CSMD1: variants seen among roughly 807,000 people sequenced by gnomAD.
CSMD1 encodes the protein CUB and Sushi multiple domains 1.
A neutral mutation model predicts 417.5 loss-of-function variants in CSMD1; 213 were observed. That is an observed-to-expected ratio of 0.51 (90% CI 0.46 to 0.57). CSMD1 has a LOEUF of 0.57. Among genes scored for constraint, CSMD1 ranks in the 20% least tolerant of loss-of-function variants. The pLI, the probability that CSMD1 is intolerant of heterozygous loss-of-function variation, is 0.00. For missense variants in CSMD1, 6,923 were observed against 4,529.7 expected (o/e 1.53, Z -15.17); for synonymous variants, 2,862 against 1,736.8 (o/e 1.65, Z -16.11).
At chr8:3,325,570 T>G (rs1339868809) in intron 23 of CSMD1, among the ~76,000 whole-genome samples, 1 of 152,190 alleles carries the variant, frequency 6.6e-6, no homozygotes, top group Non-Finnish European at 1.5e-5. Flanking sequence ...ACGCCTGTAA[T>G]CCCAGCACTT....
intron 2 of CSMD1, among the ~76,000 whole-genome samples, chr8:4,454,086 T>G (rs1239845070): frequency 2.6e-5 from 4 of 152,130 alleles, no homozygotes; most frequent in African/African-American, 7.2e-5. Context: ...CCTCCCTAAG[T>G]GCTGGGATTA....
At chr8:3,045,331 G>T (rs956889152) in intron 50 of CSMD1, among the ~76,000 whole-genome samples, 1 of 152,050 alleles carries the variant, frequency 6.6e-6, no homozygotes, top group Non-Finnish European at 1.5e-5. Flanking sequence ...AAGCAATTTT[G>T]TTAATTGTTG....
At chr8:3,978,888 G>A (rs1447458747) in intron 5 of CSMD1, among the ~76,000 whole-genome samples, 1 of 152,142 alleles carries the variant, frequency 6.6e-6, no homozygotes, top group Non-Finnish European at 1.5e-5. Context: ...AACACAATAT[G>A]GGAACAGTGA....
intron 3 of CSMD1, among the ~76,000 whole-genome samples, chr8:4,188,433 G>C (rs1383757097): frequency 6.6e-6 from 1 of 152,138 alleles, no homozygotes; most frequent in Non-Finnish European, 1.5e-5. Context: ...GCAGATACAA[G>C]TCCTGAAATC....
chr8:4,484,490 G>C (rs1420826302), intron 2 of CSMD1, among the ~76,000 whole-genome samples: 1 of 152,090 alleles, frequency 6.6e-6, no homozygotes, highest in Non-Finnish European at 1.5e-5. Context: ...GCACAAAAGA[G>C]AACAGGGGAT....
At chr8:4,032,155 C>A in intron 3 of CSMD1, 56 bp from the exon 4 acceptor site, 1 of 1,347,828 alleles carries the variant, frequency 7.4e-7, no homozygotes, top group East Asian at 2.3e-5. Flanking sequence ...CATGGAGAGC[C>A]ACTTATAAGA....
intron 2 of CSMD1, among the ~76,000 whole-genome samples, chr8:4,469,763 G>T (rs185054327): frequency 5.1e-4 from 78 of 152,196 alleles, no homozygotes; most frequent in African/African-American, 1.8e-3. Flanking sequence ...GGAGCCCTTG[G>T]AATATGCCAG....
rs760605421 is a variant in CSMD1, at chr8:3,223,710, A to G, written c.4484+19T>C. On this transcript the variant is annotated intron_variant, in intron 28 of 69. Coordinates refer to ENST00000635120, the MANE Select transcript of CSMD1 (RefSeq NM_033225.6). ...ATTAAAAATCCTACTAAAAAGAGGT[A>G]TTCTGCAAGAGACGGTACCTTTTGA... 6.2e-7 allele frequency: 1 copy of G among 1,612,788 alleles called. No individual in the cohort carries two copies. The highest frequency in any genetic ancestry group is 8.5e-7 in the Non-Finnish European group (1 of 1,179,088).
At chr8:3,432,330 A>C (rs541059558) in intron 12 of CSMD1, among the ~76,000 whole-genome samples, 2 of 152,236 alleles carry the variant, frequency 1.3e-5, no homozygotes, top group South Asian at 4.1e-4. Flanking sequence ...AAAATCATTT[A>C]AAGTGTTTAC....
chr8:4,695,584 T>TC (rs1333757556), intron 1 of CSMD1, among the ~76,000 whole-genome samples: 1 of 152,050 alleles, frequency 6.6e-6, no homozygotes, highest in Non-Finnish European at 1.5e-5. Context: ...TTCTCATCTG[T>TC]CCCCTATCCC....
chr8:3,873,060 C>G (rs527689452), intron 5 of CSMD1, among the ~76,000 whole-genome samples: 14 of 152,090 alleles, frequency 9.2e-5, no homozygotes, highest in Non-Finnish European at 7.4e-5. Context: ...ACAACAGATG[C>G]TGGCAAGGTT....
At chr8:4,242,295 A>C (rs1504772) in intron 3 of CSMD1, among the ~76,000 whole-genome samples, 1 of 152,070 alleles carries the variant, frequency 6.6e-6, no homozygotes, top group Non-Finnish European at 1.5e-5. Context: ...GCAGACTGGA[A>C]AATTCATAGT....
At chr8:4,582,338 G>T (rs748937352) in intron 2 of CSMD1, among the ~76,000 whole-genome samples, 1 of 152,136 alleles carries the variant, frequency 6.6e-6, no homozygotes, top group Non-Finnish European at 1.5e-5. Context: ...AATTAGAAAA[G>T]CGGGATAAAA....
At chr8:3,676,784 G>A (rs1343399549) in intron 7 of CSMD1, among the ~76,000 whole-genome samples, 1 of 152,138 alleles carries the variant, frequency 6.6e-6, no homozygotes, top group Non-Finnish European at 1.5e-5. Context: ...GCCCATCAAT[G>A]ATAGACTGGA....
At chr8:4,939,943 T>A (rs77379223) in intron 1 of CSMD1, among the ~76,000 whole-genome samples, 35,623 of 152,040 alleles carry the variant, frequency 0.23, 4,307 homozygotes, top group East Asian at 0.38. Context: ...AATTAAAATA[T>A]AAATTTAAAA....
At chr8:3,793,732 T>C (rs1198409083) in intron 5 of CSMD1, among the ~76,000 whole-genome samples, 4 of 152,156 alleles carry the variant, frequency 2.6e-5, no homozygotes, top group Non-Finnish European at 5.9e-5. Context: ...GTGCACTTTT[T>C]ATTTTCGTAG....
At chr8:3,794,678 TG>T (rs888257889) in intron 5 of CSMD1, among the ~76,000 whole-genome samples, 85 of 152,256 alleles carry the variant, frequency 5.6e-4, no homozygotes, top group African/African-American at 1.8e-3. Flanking sequence ...TTTATCCTAC[TG>T]GAAAAAATCT....
intron 46 of CSMD1, among the ~76,000 whole-genome samples, chr8:3,098,215 A>G (rs1815467944): frequency 6.6e-6 from 1 of 152,190 alleles, no homozygotes; most frequent in Non-Finnish European, 1.5e-5. Context: ...ATAGTTAATC[A>G]CCTTTTCCTT....
rs1799925132 is a variant in CSMD1, at chr8:3,571,122, C to CA, written c.1344+3822dup. On this transcript the variant is annotated intron_variant, in intron 10 of 69. Coordinates refer to ENST00000635120, the MANE Select transcript of CSMD1 (RefSeq NM_033225.6). ...GCACTTACAGGTGGAAGATCATTCTCACGACAGCTGAGGCAAAATTTACCT... is the reference window on the plus strand; with the variant it reads ...GCACTTACAGGTGGAAGATCATTCTCAACGACAGCTGAGGCAAAATTTACCT... 3.9e-5 allele frequency among the ~76,000 whole-genome samples: 6 copies of CA among 152,268 alleles called. No homozygotes were observed. The South Asian group carries it at 1.2e-3, about 32-fold the overall frequency.
Sources: gnomAD v4.1 joint callset for allele counts (sites outside exome capture counted in the v4.1 genomes callset) on GRCh38, gnomAD v4.1.1 for gene constraint, MANE v1.5 for transcripts, NCBI Gene and HGNC (gene_info 2026-07-23, HGNC 2026-07-21) for gene names.